Variants in MAPK10 observed in about 807,000 individuals in gnomAD.
MAPK10 encodes JNK3 alpha protein kinase.
A neutral mutation model predicts 59.3 loss-of-function variants in MAPK10; 25 were observed. The ratio of observed to expected loss-of-function variants is 0.42; its 90% CI spans 0.31 to 0.59. The LOEUF is 0.59. Ranked by LOEUF, MAPK10 falls within the 20% of genes least tolerant of loss-of-function variation. The pLI is 0.15. For synonymous variants in MAPK10, 190 were observed against 200.5 expected, an observed-to-expected ratio of 0.95 and a Z score of 0.44; for missense variants, 351 against 568.9, an observed-to-expected ratio of 0.62 and a Z score of 3.90.
At chr4:86,546,581 A>C (rs921734162) in intron 1 of MAPK10, among the ~76,000 whole-genome samples, 1 of 151,468 alleles carries the variant, frequency 6.6e-6, no homozygotes, top group African/African-American at 2.4e-5. Context: ...AAGAAGAAAG[A>C]ATTTCAAGGT....
At chr4:86,218,750 A>G (rs1173246831) in intron 2 of MAPK10, among the ~76,000 whole-genome samples, 1 of 152,192 alleles carries the variant, frequency 6.6e-6, no homozygotes, top group Admixed American at 6.5e-5. Flanking sequence ...ACTTACATGA[A>G]CAAATCCATC....
At chr4:86,241,637 A>G (rs114707070) in intron 2 of MAPK10, among the ~76,000 whole-genome samples, 280 of 152,216 alleles carry the variant, frequency 1.8e-3, no homozygotes, top group Non-Finnish European at 3.3e-3. Flanking sequence ...ATACTTGCGT[A>G]TGCATCATGA....
chr4:86,353,571 G>A (rs2148967232), intron 2 of MAPK10, among the ~76,000 whole-genome samples: 1 of 152,212 alleles, frequency 6.6e-6, no homozygotes, highest in South Asian at 2.1e-4. Context: ...TATTAGATCT[G>A]CTTTCTCAAT....
intron 11 of MAPK10, among the ~76,000 whole-genome samples, chr4:86,061,038 C>A (rs1018975985): frequency 1.3e-5 from 2 of 152,106 alleles, no homozygotes; most frequent in African/African-American, 4.8e-5. Context: ...TACTGACTCC[C>A]AAGCATTTGC....
intron 1 of MAPK10, among the ~76,000 whole-genome samples, chr4:86,563,464 T>C (rs1389657170): frequency 6.6e-6 from 1 of 152,216 alleles, no homozygotes; most frequent in Non-Finnish European, 1.5e-5. Flanking sequence ...ACCCAGATAA[T>C]TAAATTACCA....
chr4:86,350,480 C>T (rs1730731376), intron 2 of MAPK10, among the ~76,000 whole-genome samples: 1 of 152,140 alleles, frequency 6.6e-6, no homozygotes, highest in Non-Finnish European at 1.5e-5. Context: ...TCCCAAAGTG[C>T]TGGGATTACA....
intron 1 of MAPK10, among the ~76,000 whole-genome samples, chr4:86,509,924 T>C (rs916867768): frequency 2.6e-5 from 4 of 152,238 alleles, no homozygotes; most frequent in Non-Finnish European, 4.4e-5. Flanking sequence ...TATATGTGTT[T>C]ATGTGTGTTG....
At chr4:86,301,555 G>A (rs541315550) in intron 2 of MAPK10, among the ~76,000 whole-genome samples, 1 of 152,070 alleles carries the variant, frequency 6.6e-6, no homozygotes, top group Non-Finnish European at 1.5e-5. Context: ...CTTTAATGAA[G>A]GGAAGAGTCT....
At chr4:86,048,369 A>T (rs1332562025) in intron 11 of MAPK10, among the ~76,000 whole-genome samples, 1 of 152,174 alleles carries the variant, frequency 6.6e-6, no homozygotes, top group Non-Finnish European at 1.5e-5. Context: ...TCTGAGAAGC[A>T]GTAGCTTTTG....
intron 1 of MAPK10, among the ~76,000 whole-genome samples, chr4:86,372,569 A>AAAGAAAGGG (rs1202722328): frequency 1.7e-5 from 1 of 59,998 alleles, no homozygotes; most frequent in Admixed American, 1.6e-4. Flanking sequence ...AGAAAGAAAG[A>AAAGAAAGGG]AAAGAAAAGA....
chr4:86,198,669 T>C (rs2081942253), intron 2 of MAPK10, among the ~76,000 whole-genome samples: 1 of 151,810 alleles, frequency 6.6e-6, no homozygotes, highest in Admixed American at 6.6e-5. Context: ...ACTGTTTCTG[T>C]GAAATAAGTC....
At chr4:86,251,301 A>G (rs2093410227) in intron 2 of MAPK10, among the ~76,000 whole-genome samples, 1 of 151,980 alleles carries the variant, frequency 6.6e-6, no homozygotes, top group Admixed American at 6.6e-5. Flanking sequence ...CATTAGGTAT[A>G]TCTACCAATG....
At chr4:86,387,979 TATA>T (rs1236315249) in intron 1 of MAPK10, among the ~76,000 whole-genome samples, 34 of 148,862 alleles carry the variant, frequency 2.3e-4, no homozygotes, top group African/African-American at 7.3e-4. Context: ...AAAAATAATA[TATA>T]ATATTTATAA....
At chr4:86,180,665 C>T (rs2076735172) in intron 3 of MAPK10, among the ~76,000 whole-genome samples, 1 of 151,716 alleles carries the variant, frequency 6.6e-6, no homozygotes, top group African/African-American at 2.4e-5. Context: ...TACTACTGAG[C>T]CATAAAAGAG....
intron 1 of MAPK10, among the ~76,000 whole-genome samples, chr4:86,438,393 G>A (rs1457841443): frequency 1.3e-5 from 2 of 152,108 alleles, no homozygotes; most frequent in African/African-American, 2.4e-5. Context: ...GCCAAGACAT[G>A]ATTTAACATG....
At chr4:86,304,818 G>A (rs2095538321) in intron 2 of MAPK10, among the ~76,000 whole-genome samples, 1 of 152,008 alleles carries the variant, frequency 6.6e-6, no homozygotes, top group Admixed American at 6.6e-5. Context: ...GTTATCTCAT[G>A]ATGTACTTAA....
chr4:86,219,400 T>C (rs937145933), intron 2 of MAPK10, among the ~76,000 whole-genome samples: 2 of 152,170 alleles, frequency 1.3e-5, no homozygotes, highest in Admixed American at 6.5e-5. Context: ...CTATGTAAAA[T>C]AAAGGAAGAA....
intron 3 of MAPK10, among the ~76,000 whole-genome samples, chr4:86,161,055 A>C (rs528665296): frequency 3.3e-5 from 5 of 152,156 alleles, no homozygotes; most frequent in Admixed American, 2.0e-4. Context: ...TGAGGCCTCC[A>C]GATAAGACTG....
chr4:86,549,704 C>T (rs893592129), intron 1 of MAPK10, among the ~76,000 whole-genome samples: 64 of 152,274 alleles, frequency 4.2e-4, no homozygotes, highest in African/African-American at 1.4e-3. Context: ...TTAGACCAGG[C>T]ACGGTGGCTC....
Sources: allele counts gnomAD v4.1 joint callset (sites outside exome capture counted in the v4.1 genomes callset), GRCh38; gene constraint gnomAD v4.1.1; transcripts MANE v1.5; gene names NCBI Gene and HGNC (gene_info 2026-07-23, HGNC 2026-07-21).